The following LINGO2 variants were observed in gnomAD, a reference collection of about 807,000 sequenced individuals.
LINGO2 encodes the protein leucine rich repeat and Ig domain containing 2, also known as leucine-rich repeat and immunoglobulin-like domain-containing nogo receptor-interacting protein 2.
In LINGO2, 14 loss-of-function variants were observed where a neutral mutation model predicts 30.6. The ratio of observed to expected loss-of-function variants is 0.46; its 90% CI spans 0.30 to 0.72. The LOEUF (loss-of-function observed/expected upper bound fraction) is 0.72. Among genes scored for constraint, LINGO2 ranks in the 30% least tolerant of loss-of-function variants. The pLI is 0.07. For missense variants in LINGO2, 729 were observed against 751.7 expected, an observed-to-expected ratio of 0.97 and a Z score of 0.35; for synonymous variants, 317 against 288.5, an observed-to-expected ratio of 1.10 and a Z score of -1.00.
chr9:29,085,400 T>G, the LINGO2 span, among the ~76,000 whole-genome samples: 1 of 149,794 alleles, frequency 6.7e-6, no homozygotes, highest in South Asian at 2.1e-4. Context: ...TACCATCAGC[T>G]AATTGGTTAC....
At chr9:28,762,771 C>A in the LINGO2 span, among the ~76,000 whole-genome samples, 1 of 151,966 alleles carries the variant, frequency 6.6e-6, no homozygotes, top group Non-Finnish European at 1.5e-5. Flanking sequence ...TGTTTGCTGG[C>A]TTTTCAAAAT....
chr9:28,597,723 A>G (rs1416668321), intron 1 of LINGO2, among the ~76,000 whole-genome samples: 1 of 152,120 alleles, frequency 6.6e-6, no homozygotes, highest in South Asian at 2.1e-4. Context: ...TTATAAAACT[A>G]TTTTGTATGT....
intron 2 of LINGO2, among the ~76,000 whole-genome samples, chr9:28,403,448 C>T (rs1025269511): frequency 6.6e-5 from 10 of 152,140 alleles, no homozygotes; most frequent in Non-Finnish European, 1.3e-4. Flanking sequence ...GCTCTTCTGG[C>T]TCTTTCTGTT....
the LINGO2 span, among the ~76,000 whole-genome samples, chr9:29,062,981 C>A: frequency 6.6e-6 from 1 of 152,234 alleles, no homozygotes; most frequent in African/African-American, 2.4e-5. Flanking sequence ...TTGGCTCTCT[C>A]AGCCCTACTG....
At chr9:27,957,144 A>G (rs1819610748) in intron 5 of LINGO2, among the ~76,000 whole-genome samples, 1 of 152,152 alleles carries the variant, frequency 6.6e-6, no homozygotes, top group African/African-American at 2.4e-5. Context: ...TCTTTTCCCT[A>G]TAACATTACC....
the LINGO2 span, among the ~76,000 whole-genome samples, chr9:29,189,898 G>A: frequency 1.3e-4 from 19 of 151,534 alleles, 1 homozygote; most frequent in Non-Finnish European, 2.2e-4. Flanking sequence ...TGCAATCGCA[G>A]GCACTCAGCA....
intron 4 of LINGO2, among the ~76,000 whole-genome samples, chr9:28,070,754 C>T (rs1006404021): frequency 6.6e-6 from 1 of 152,058 alleles, no homozygotes; most frequent in Non-Finnish European, 1.5e-5. Flanking sequence ...CTCTGTCACC[C>T]AGGCTTGAGT....
At chr9:28,608,931 A>T (rs1431435875) in intron 1 of LINGO2, among the ~76,000 whole-genome samples, 1 of 151,896 alleles carries the variant, frequency 6.6e-6, no homozygotes, top group Non-Finnish European at 1.5e-5. Context: ...GGAGATATAT[A>T]TTTTGCTCTT....
chr9:28,436,675 T>C (rs1307713753), intron 2 of LINGO2, among the ~76,000 whole-genome samples: 1 of 152,106 alleles, frequency 6.6e-6, no homozygotes, highest in Non-Finnish European at 1.5e-5. Context: ...GCCAGGATGG[T>C]CTCGATCTCC....
At chr9:28,108,166 C>T (rs565508969) in intron 4 of LINGO2, among the ~76,000 whole-genome samples, 51 of 152,200 alleles carry the variant, frequency 3.4e-4, no homozygotes, top group Admixed American at 1.2e-3. Flanking sequence ...AAAGCTCTCT[C>T]GCAGCTACAA....
the LINGO2 span, among the ~76,000 whole-genome samples, chr9:29,196,062 C>T: frequency 6.6e-6 from 1 of 152,094 alleles, no homozygotes. Context: ...ATGTTTGATA[C>T]TTTACAGGTT....
At chr9:29,009,810 T>A in the LINGO2 span, among the ~76,000 whole-genome samples, 2 of 152,148 alleles carry the variant, frequency 1.3e-5, no homozygotes, top group Non-Finnish European at 2.9e-5. Context: ...CAAAAAAGCA[T>A]GGTACTGGTA....
chr9:28,883,628 GTATATATATATATATA>G, the LINGO2 span, among the ~76,000 whole-genome samples: 35 of 64,180 alleles, frequency 5.5e-4, 5 homozygotes, highest in South Asian at 1.3e-3. Flanking sequence ...ATGTGTGTGT[GTATATATATATATATA>G]TATATATATA....
the LINGO2 span, among the ~76,000 whole-genome samples, chr9:28,782,920 G>T: frequency 1.3e-5 from 2 of 152,298 alleles, no homozygotes; most frequent in South Asian, 4.1e-4. Flanking sequence ...ATATGGTATA[G>T]CCTGTTGCTG....
chr9:28,178,016 A>G (rs1404745924), intron 4 of LINGO2, among the ~76,000 whole-genome samples: 1 of 152,186 alleles, frequency 6.6e-6, no homozygotes, highest in Non-Finnish European at 1.5e-5. Context: ...AATCTATGCA[A>G]ATAGAGATGT....
At chr9:29,023,182 G>T in the LINGO2 span, among the ~76,000 whole-genome samples, 1 of 151,864 alleles carries the variant, frequency 6.6e-6, no homozygotes, top group African/African-American at 2.4e-5. Context: ...GGTTATAGTT[G>T]GTCATGTTAT....
At chr9:28,701,607 T>C in the LINGO2 span, among the ~76,000 whole-genome samples, 3 of 151,990 alleles carry the variant, frequency 2.0e-5, no homozygotes, top group African/African-American at 4.8e-5. Flanking sequence ...TCTTTCAATA[T>C]TGTGTTAGCT....
chr9:28,479,904 TAC>T (rs1241635349), intron 1 of LINGO2, among the ~76,000 whole-genome samples: 14 of 96,522 alleles, frequency 1.5e-4, no homozygotes, highest in African/African-American at 4.1e-4. Context: ...TGTGTATATA[TAC>T]GTAGGTATAT....
chr9:28,059,665 A>G (rs1053136997), intron 4 of LINGO2, among the ~76,000 whole-genome samples: 2 of 152,174 alleles, frequency 1.3e-5, no homozygotes, highest in Non-Finnish European at 2.9e-5. Flanking sequence ...GGGAAGAAGC[A>G]TTTATAGAAC....
Sources: gnomAD v4.1 joint callset for allele counts (sites outside exome capture counted in the v4.1 genomes callset) on GRCh38, gnomAD v4.1.1 for gene constraint, MANE v1.5 for transcripts, NCBI Gene and HGNC (gene_info 2026-07-23, HGNC 2026-07-21) for gene names.